Variants in PDE4A observed in about 807,000 individuals in gnomAD.
PDE4A encodes phosphodiesterase 4A.
A neutral mutation model predicts 73.9 loss-of-function variants in PDE4A; 21 were observed. That is an observed-to-expected ratio of 0.28 (90% CI 0.20 to 0.41). The LOEUF is 0.41. Ranked by LOEUF, PDE4A falls within the 10% of genes least tolerant of loss-of-function variation. The pLI, the probability that PDE4A is intolerant of heterozygous loss-of-function variation, is 1.00. For missense variants in PDE4A, 958 were observed against 1,211.4 expected, an observed-to-expected ratio of 0.79 and a Z score of 3.10; for synonymous variants, 463 against 505.4, an observed-to-expected ratio of 0.92 and a Z score of 1.13.
intron 1 of PDE4A, among the ~76,000 whole-genome samples, chr19:10,436,217 G>T (rs540732763): frequency 6.1e-4 from 93 of 152,244 alleles, no homozygotes; most frequent in Admixed American, 1.8e-3. Context: ...CTCAGACAAT[G>T]AAGCCACCAA....
intron 1 of PDE4A, among the ~76,000 whole-genome samples, chr19:10,421,767 C>T (rs780002025): frequency 1.4e-4 from 21 of 152,154 alleles, no homozygotes; most frequent in Non-Finnish European, 2.5e-4. Flanking sequence ...GGGAAGGAGT[C>T]CCTGACTGCA....
intron 2 of PDE4A, among the ~76,000 whole-genome samples, chr19:10,448,264 TA>T (rs1289927552): frequency 6.6e-6 from 1 of 151,874 alleles, no homozygotes; most frequent in Non-Finnish European, 1.5e-5. Flanking sequence ...CACACCCAGC[TA>T]ATTTTTGTAT....
At chr19:10,423,144 C>G in intron 1 of PDE4A, 1 of 552,830 alleles carries the variant, frequency 1.8e-6, no homozygotes, top group Non-Finnish European at 2.3e-6. Flanking sequence ...AGCCCAGAGA[C>G]AAAACCCTTT....
In PDE4A at chr19:10,468,117, C is replaced by G. The variant is rs201778295; in HGVS notation, c.*496C>G. 6.5e-6 allele frequency: 1 copy of G among 152,718 alleles called. No individual in the cohort carries two copies. Among genetic ancestry groups the G allele is most frequent in the African/African-American group, 2.4e-5 (1 of 41,398 alleles). 9.5% of individuals were successfully genotyped at this position (152,718 alleles called of 1,614,324 possible). ...TTCTGAATTTAGAGGATTTCTAGAA[C>G]GTGGTCAGGAATAGCCATTCTAGGC... On this transcript the variant is annotated 3_prime_UTR_variant, in exon 15 of 15. Transcript: ENST00000380702.
chr19:10,466,452 A>AAC (rs2043373181), intron 14 of PDE4A, among the ~76,000 whole-genome samples: 1 of 149,470 alleles, frequency 6.7e-6, no homozygotes, highest in African/African-American at 2.5e-5. Context: ...CTCAAAAAAA[A>AAC]AAAAAAAAAA....
chr19:10,433,884 G>GC (rs1482717394), intron 1 of PDE4A, among the ~76,000 whole-genome samples: 2 of 151,826 alleles, frequency 1.3e-5, no homozygotes, highest in Non-Finnish European at 2.9e-5. Flanking sequence ...TGCCCTGTGC[G>GC]CCCCGGGGGA....
chr19:10,424,001 G>A lies in PDE4A; in HGVS notation c.320+2917G>A, dbSNP rs910406441. Among the ~76,000 whole-genome samples, 3 of 152,224 alleles carry A rather than the reference G, an allele frequency of 2.0e-5. No individual in the cohort carries two copies. The highest frequency in any genetic ancestry group is 1.9e-4 in the East Asian group (1 of 5,196). On this transcript the variant is annotated intron_variant, in intron 1 of 14. Coordinates refer to ENST00000380702, the MANE Select transcript of PDE4A (RefSeq NM_001111307.2). The surrounding 1 kb of genome is among the most constrained non-coding windows in gnomAD (Gnocchi z 4.8). ...GGGGGTTTTTACCAGGGCACATACA[G>A]GATTCAGTGCTCCCCACACTGGAGT...
At chr19:10,465,054 A>G (rs1014274206) in intron 14 of PDE4A, among the ~76,000 whole-genome samples, 1 of 151,704 alleles carries the variant, frequency 6.6e-6, no homozygotes, top group African/African-American at 2.4e-5. Flanking sequence ...AAACCCAACC[A>G]TCTGAGTTTG....
At chr19:10,435,445 C>T (rs2042852144) in intron 1 of PDE4A, among the ~76,000 whole-genome samples, 1 of 151,696 alleles carries the variant, frequency 6.6e-6, no homozygotes, top group African/African-American at 2.4e-5. Flanking sequence ...CCTGTGGTTC[C>T]AGCTACTCAG....
intron 2 of PDE4A, among the ~76,000 whole-genome samples, chr19:10,447,112 G>A (rs902443465): frequency 1.1e-4 from 16 of 147,318 alleles, no homozygotes; most frequent in African/African-American, 3.8e-4. Flanking sequence ...GTGTTAGCCA[G>A]GATGGTCTCG....
In PDE4A at chr19:10,420,598, C is replaced by G. The variant is rs2042636289; in HGVS notation, c.-167C>G. On this transcript the variant is annotated 5_prime_UTR_variant, in exon 1 of 15. Transcript: ENST00000380702. This position sits in a 1 kb window ranked among gnomAD's most constrained non-coding sequence, Gnocchi z 6.0. ...CGAAAGGAAGCTGCAGAGCCCGGCC[C>G]GGGGGCGATTGGCCCGCAGCGCCCC... 2 of 1,293,148 alleles carry G rather than the reference C, an allele frequency of 1.5e-6. No individual in the cohort carries two copies. Among genetic ancestry groups the G allele is most frequent in the South Asian group, 2.4e-5 (1 of 40,972 alleles). The allele number at this position is 1,293,148 out of a possible 1,614,324, so 80.1% of individuals were successfully genotyped here.
Position 10,467,653 on chromosome 19 carries a change from T to C in PDE4A, c.*32T>C, listed in dbSNP as rs2043403219. ...GACCTCTGTCCCTGTTCCCCTCCAC[T>C]CCTCCCCTCACTCCCCTGCTCCCCC... On this transcript the variant is annotated 3_prime_UTR_variant, in exon 15 of 15. Transcript: ENST00000380702. 6.8e-7 allele frequency: 1 copy of C among 1,479,828 alleles called. No individual in the cohort carries two copies. The highest frequency in any genetic ancestry group is 9.1e-7 in the Non-Finnish European group (1 of 1,100,284). The allele number at this position is 1,479,828 out of a possible 1,614,324, so 91.7% of individuals were successfully genotyped here.
chr19:10,452,960 G>A (rs1825372214), intron 6 of PDE4A: 5 of 1,162,770 alleles, frequency 4.3e-6, no homozygotes, highest in African/African-American at 1.6e-5. Flanking sequence ...ACAGAGCTCC[G>A]CAGCCTCCTC....
rs201239702 is a variant in PDE4A at position 10,467,659 on chromosome 19, C to T, written c.*38C>T. 83 of 1,447,844 alleles carry T rather than the reference C, an allele frequency of 5.7e-5. No individual in the cohort carries two copies. The highest frequency in any genetic ancestry group is 7.7e-5 in the Non-Finnish European group (83 of 1,072,888). 89.7% of individuals were successfully genotyped at this position (1,447,844 alleles called of 1,614,324 possible). ...TGTCCCTGTTCCCCTCCACTCCTCC[C>T]CTCACTCCCCTGCTCCCCCGACCAC... On this transcript the variant is annotated 3_prime_UTR_variant, in exon 15 of 15. Coordinates refer to ENST00000380702, the MANE Select transcript of PDE4A (RefSeq NM_001111307.2).
upstream of PDE4A, chr19:10,416,922 A>G (rs1392812748): frequency 3.2e-6 from 5 of 1,539,290 alleles, no homozygotes; most frequent in Non-Finnish European, 4.4e-6. Context: ...CGCAGTCCCA[A>G]CGGCGCGCTA....
intron 6 of PDE4A, 95 bp from the exon 7 acceptor site, chr19:10,454,734 T>C (rs2043145426): frequency 6.3e-7 from 1 of 1,590,600 alleles, no homozygotes; most frequent in Non-Finnish European, 8.6e-7. Context: ...TAGGAGGGAC[T>C]CATGGGGTCT....
At position 10,424,287 on chromosome 19, in the gene PDE4A, T is replaced by TC. The variant is rs1275437692; in HGVS notation, c.320+3209dup. Among the ~76,000 whole-genome samples the TC allele has an allele frequency of 2.0e-5, 3 of 151,870 alleles. No individual in the cohort carries two copies. Among genetic ancestry groups the TC allele is most frequent in the African/African-American group, 7.3e-5 (3 of 41,330 alleles). On this transcript the variant is annotated intron_variant, in intron 1 of 14. Coordinates refer to ENST00000380702, the MANE Select transcript of PDE4A (RefSeq NM_001111307.2). The surrounding 1 kb of genome is among the most constrained non-coding windows in gnomAD (Gnocchi z 4.8). The stretch of plus-strand genomic sequence containing the variant: ...ACGGGGCCAACATACGGACCCTGCG[T>TC]CCCCCCTCCCTGGGCCCTAAAACTT...
intron 1 of PDE4A, among the ~76,000 whole-genome samples, chr19:10,429,229 GAA>G (rs905703203): frequency 1.3e-5 from 2 of 149,042 alleles, no homozygotes; most frequent in African/African-American, 2.5e-5. Context: ...GGAAAAGAAA[GAA>G]AGAGAGGGAC....
At chr19:10,428,216 G>T (rs751503646) in intron 1 of PDE4A, among the ~76,000 whole-genome samples, 1 of 152,060 alleles carries the variant, frequency 6.6e-6, no homozygotes, top group Non-Finnish European at 1.5e-5. Context: ...AGTCAGGCAT[G>T]GTGGCGCACA....
Sources: gnomAD v4.1 joint callset for allele counts (sites outside exome capture counted in the v4.1 genomes callset) on GRCh38, gnomAD v4.1.1 for gene constraint, Gnocchi (gnomAD v3.1) non-coding constraint, MANE v1.5 for transcripts, NCBI Gene and HGNC (gene_info 2026-07-23, HGNC 2026-07-21) for gene names.